Variants in TMEM131 observed in about 807,000 individuals in gnomAD.
TMEM131 encodes 2610524E03Rik.
A neutral mutation model predicts 211.6 loss-of-function variants in TMEM131; 66 were observed. The ratio of observed to expected loss-of-function variants is 0.31; its 90% confidence interval spans 0.26 to 0.38. The LOEUF (loss-of-function observed/expected upper bound fraction) is 0.38, where lower values mean the gene tolerates loss of function less well. TMEM131 is among the 10% of genes least tolerant of loss of function. TMEM131 has a pLI of 1.00. For synonymous variants in TMEM131, 844 were observed against 841.3 expected (o/e 1.00, Z -0.06); for missense variants, 2,036 against 2,299.3 (o/e 0.89, Z 2.34).
intron 1 of TMEM131, among the ~76,000 whole-genome samples, chr2:97,984,614 G>A (rs987647483): frequency 2.0e-5 from 3 of 151,792 alleles, no homozygotes; most frequent in Admixed American, 6.6e-5. Context: ...CAGGTCTCAG[G>A]TGAACTCTCT....
intron 31 of TMEM131, among the ~76,000 whole-genome samples, chr2:97,784,314 A>C (rs189620900): frequency 6.6e-6 from 1 of 152,242 alleles, no homozygotes; most frequent in South Asian, 2.1e-4. Flanking sequence ...CAGACCATAT[A>C]CTGGGCCATA....
intron 15 of TMEM131, among the ~76,000 whole-genome samples, chr2:97,813,570 CTT>C (rs1681667694): frequency 6.6e-6 from 1 of 152,156 alleles, no homozygotes; most frequent in Admixed American, 6.5e-5. Flanking sequence ...ATCTGATTCT[CTT>C]CTTTGTCCCG....
intron 40 of TMEM131, among the ~76,000 whole-genome samples, chr2:97,758,009 C>G (rs956874467): frequency 6.6e-5 from 10 of 151,952 alleles, no homozygotes; most frequent in African/African-American, 2.2e-4. Context: ...GTGGGCGCCT[C>G]TAGTCCCAGC....
Position 97,834,470 on chromosome 2 carries a change from C to G in TMEM131, c.1012+151G>C. 6 of 671,754 alleles carry G rather than the reference C, an allele frequency of 8.9e-6. No individual in the cohort carries two copies. The East Asian group carries it at 1.5e-4, about 17-fold the overall frequency. 41.6% of individuals were successfully genotyped at this position (671,754 alleles called of 1,614,324 possible). On this transcript the variant is annotated intron_variant, in intron 10 of 40. Transcript: ENST00000186436. Reference sequence around the variant, plus strand: ...AATGGGGTATAAACCTGTAAAGGCGCTGAGTCTGAAAAGGAGATTTGTACA... The same window carrying G: ...AATGGGGTATAAACCTGTAAAGGCGGTGAGTCTGAAAAGGAGATTTGTACA...
intron 4 of TMEM131, among the ~76,000 whole-genome samples, chr2:97,885,675 A>C (rs1262734505): frequency 6.6e-6 from 1 of 151,740 alleles, no homozygotes; most frequent in Non-Finnish European, 1.5e-5. Context: ...CTTATATGTG[A>C]CTTGACACTT....
chr2:97,889,317 G>A (rs1675285432), intron 3 of TMEM131, among the ~76,000 whole-genome samples: 1 of 151,950 alleles, frequency 6.6e-6, no homozygotes, highest in Non-Finnish European at 1.5e-5. Context: ...AAAGACACCG[G>A]GACATGAAGG....
At chr2:97,776,548 A>G (rs993340035) in intron 31 of TMEM131, among the ~76,000 whole-genome samples, 1 of 152,238 alleles carries the variant, frequency 6.6e-6, no homozygotes, top group African/African-American at 2.4e-5. Context: ...TATATAATAG[A>G]ACACACCCAT....
intron 1 of TMEM131, among the ~76,000 whole-genome samples, chr2:97,959,786 C>CT (rs1293788703): frequency 3.9e-5 from 6 of 151,940 alleles, no homozygotes; most frequent in Non-Finnish European, 5.9e-5. Flanking sequence ...CCTTTATAAC[C>CT]TTTTTTTTCA....
intron 3 of TMEM131, among the ~76,000 whole-genome samples, chr2:97,906,237 C>CA (rs1676063808): frequency 6.6e-6 from 1 of 152,188 alleles, no homozygotes; most frequent in African/African-American, 2.4e-5. Context: ...TTAAGCCACT[C>CA]AGTCTATGGT....
intron 2 of TMEM131, among the ~76,000 whole-genome samples, chr2:97,918,965 G>A (rs960270486): frequency 6.6e-6 from 1 of 152,196 alleles, no homozygotes; most frequent in African/African-American, 2.4e-5. Flanking sequence ...TTCACGTGAT[G>A]GGAAAGTGAT....
chr2:97,823,427 T>G (rs546079517), intron 11 of TMEM131, among the ~76,000 whole-genome samples: 3 of 152,168 alleles, frequency 2.0e-5, no homozygotes, highest in Non-Finnish European at 4.4e-5. Context: ...GGGCAAACCT[T>G]TGATCTCACT....
intron 6 of TMEM131, among the ~76,000 whole-genome samples, chr2:97,842,982 C>T (rs1683267263): frequency 1.3e-5 from 2 of 151,776 alleles, no homozygotes; most frequent in African/African-American, 4.8e-5. Flanking sequence ...AAGACACAGT[C>T]CTTACTGAAA....
At position 97,811,150 on chromosome 2, in the gene TMEM131, A is replaced by G. The variant is rs756389842; in HGVS notation, c.1946T>C (p.Ile649Thr). The G allele has an allele frequency of 6.2e-7, 1 of 1,613,664 alleles. No individual in the cohort carries two copies. The highest frequency in any genetic ancestry group is 1.1e-5 in the South Asian group (1 of 91,080). ...KKLEGIHDGA[I>T]QITTDYEILT... The stretch of plus-strand genomic sequence containing the variant: ...TACCTCATAGTCTGTTGTGATCTGG[A>G]TGGCTCCATCATGAATCCCCTCTAA... Residue 649 changes from isoleucine (I) to threonine (T), a missense_variant, in exon 18 of 41, where the codon ATC becomes ACC. Transcript: ENST00000186436.
intron 5 of TMEM131, among the ~76,000 whole-genome samples, chr2:97,853,427 T>C (rs1673706682): frequency 9.4e-6 from 1 of 106,646 alleles, no homozygotes; most frequent in African/African-American, 3.8e-5. Flanking sequence ...AAATCCCATC[T>C]CTACTAAAAA....
At position 97,864,279 on chromosome 2, in the gene TMEM131, GA is replaced by G. The variant is rs1306006039; in HGVS notation, c.360-4853del. The stretch of plus-strand genomic sequence containing the variant: ...AATGGGGATGATTAATACGTATAAA[GA>G]AACTGAAAGTATGGATAAGACCTAG... On this transcript the variant is annotated intron_variant, in intron 4 of 40. Coordinates refer to ENST00000186436, the MANE Select transcript of TMEM131 (RefSeq NM_015348.2). Among the ~76,000 whole-genome samples the G allele has an allele frequency of 4.6e-5, 7 of 152,154 alleles. No individual in the cohort carries two copies. The East Asian group carries it at 1.2e-3, about 25-fold the overall frequency.
At chr2:97,965,171 A>C (rs1453429962) in intron 1 of TMEM131, among the ~76,000 whole-genome samples, 1 of 152,192 alleles carries the variant, frequency 6.6e-6, no homozygotes, top group Non-Finnish European at 1.5e-5. Flanking sequence ...CAGTCCCGGT[A>C]AGTTAAAGAT....
chr2:97,995,360 C>A, intron 1 of TMEM131, 116 bp downstream of exon 1: 2 of 1,082,758 alleles, frequency 1.8e-6, no homozygotes, highest in Non-Finnish European at 2.3e-6. Context: ...GGTACCCGAC[C>A]GCCCAACTTT....
intron 31 of TMEM131, among the ~76,000 whole-genome samples, chr2:97,784,832 G>C (rs1680176666): frequency 6.6e-6 from 1 of 152,044 alleles, no homozygotes. Context: ...GATTAGATCA[G>C]TAAAACTGAC....
chr2:97,787,844 C>T (rs536617349), intron 31 of TMEM131, among the ~76,000 whole-genome samples: 10 of 152,278 alleles, frequency 6.6e-5, no homozygotes, highest in African/African-American at 1.9e-4. Flanking sequence ...GCTGCACCTA[C>T]GAACCTGGTA....
Sources: gnomAD v4.1 joint callset for allele counts (sites outside exome capture counted in the v4.1 genomes callset) on GRCh38, gnomAD v4.1.1 for gene constraint, MANE v1.5 for transcripts, NCBI Gene and HGNC (gene_info 2026-07-23, HGNC 2026-07-21) for gene names.